Variants in KIAA0825 observed in about 807,000 individuals in gnomAD.
KIAA0825 encodes KIAA0825, also known as uncharacterized protein KIAA0825.
In KIAA0825, 119 loss-of-function variants were observed where a neutral mutation model predicts 147.6. That is an observed-to-expected ratio of 0.81 (90% CI 0.69 to 0.94). KIAA0825 has a LOEUF of 0.94. KIAA0825 is among the 40% of genes least tolerant of loss of function. KIAA0825 has a pLI of 0.00. For missense variants in KIAA0825, 1,381 were observed against 1,472.7 expected (o/e 0.94, Z 1.02); for synonymous variants, 470 against 518.1 (o/e 0.91, Z 1.26).
chr5:94,194,534 A>G (rs1333387452), intron 20 of KIAA0825, among the ~76,000 whole-genome samples: 1 of 152,064 alleles, frequency 6.6e-6, no homozygotes, highest in Non-Finnish European at 1.5e-5. Context: ...TAGAAATCCA[A>G]AGTGGAGTGA....
At chr5:94,327,066 T>C (rs1395787304) in intron 20 of KIAA0825, among the ~76,000 whole-genome samples, 4 of 152,216 alleles carry the variant, frequency 2.6e-5, no homozygotes, top group Admixed American at 2.6e-4. Flanking sequence ...TGAACGCTGG[T>C]GTTTGAGGGT....
intron 5 of KIAA0825, among the ~76,000 whole-genome samples, chr5:94,512,859 G>A (rs1390644771): frequency 1.3e-5 from 2 of 152,074 alleles, no homozygotes; most frequent in Admixed American, 1.3e-4. Flanking sequence ...TCGCATCACT[G>A]CACTCCAGCC....
intron 20 of KIAA0825, among the ~76,000 whole-genome samples, chr5:94,247,512 T>C (rs1775691326): frequency 6.6e-6 from 1 of 151,452 alleles, no homozygotes; most frequent in East Asian, 1.9e-4. Flanking sequence ...TCAGCTTAGA[T>C]GTCAGGAAGA....
intron 5 of KIAA0825, among the ~76,000 whole-genome samples, chr5:94,510,873 T>C (rs1023893861): frequency 6.6e-6 from 1 of 152,196 alleles, no homozygotes; most frequent in African/African-American, 2.4e-5. Context: ...ATTCAGAAAA[T>C]GTAATTTCAG....
chr5:94,553,469 A>T (rs1775933300), intron 2 of KIAA0825, among the ~76,000 whole-genome samples: 1 of 151,566 alleles, frequency 6.6e-6, no homozygotes, highest in South Asian at 2.1e-4. Flanking sequence ...AAAAGTAAAA[A>T]AAAAATATTT....
intron 20 of KIAA0825, among the ~76,000 whole-genome samples, chr5:94,228,304 C>A (rs547148699): frequency 2.8e-4 from 42 of 152,276 alleles, no homozygotes; most frequent in African/African-American, 9.6e-4. Flanking sequence ...TCAACGGCAA[C>A]AAGTATGCAG....
intron 20 of KIAA0825, among the ~76,000 whole-genome samples, chr5:94,243,150 C>T (rs1040231763): frequency 6.6e-6 from 1 of 152,164 alleles, no homozygotes; most frequent in East Asian, 1.9e-4. Flanking sequence ...TCAGCTAATG[C>T]ATGTAAAACA....
At chr5:94,525,067 C>A (rs904856050) in intron 3 of KIAA0825, among the ~76,000 whole-genome samples, 1 of 151,826 alleles carries the variant, frequency 6.6e-6, no homozygotes, top group African/African-American at 2.4e-5. Context: ...CATATCTAAA[C>A]TTCAAGAAAG....
intron 2 of KIAA0825, among the ~76,000 whole-genome samples, chr5:94,560,999 G>C (rs974111582): frequency 1.3e-5 from 2 of 152,106 alleles, no homozygotes; most frequent in African/African-American, 4.8e-5. Context: ...GGTTACTCTG[G>C]AGGGCCCCTA....
Position 94,453,037 on chromosome 5 carries a change from G to A in KIAA0825, c.2279C>T (p.Ser760Leu). The part of the protein sequence containing the change: ...TFQHGLDESA[S>L]DSLKSFFKQP... The stretch of plus-strand genomic sequence containing the variant: ...CTTAAAAAATGATTTTAAGGAATCT[G>A]AAGCAGACTCATCCAGGCCATGCTG... The change falls in exon 13 of 21, where the codon TCA (serine) becomes TTA (leucine). Residue 760 changes from serine (S) to leucine (L), a missense_variant. By Grantham distance (145) the Ser-to-Leu change is moderately radical. Transcript: ENST00000682413. 1 of 1,526,470 alleles carries A rather than the reference G, an allele frequency of 6.6e-7. No homozygotes were observed. Among genetic ancestry groups the A allele is most frequent in the Non-Finnish European group, 8.8e-7 (1 of 1,137,776 alleles). The allele number at this position is 1,526,470 out of a possible 1,614,324, so 94.6% of individuals were successfully genotyped here. A position where few individuals can be genotyped will look rare whatever the true frequency, so the allele number is the denominator to read the frequency against.
intron 20 of KIAA0825, among the ~76,000 whole-genome samples, chr5:94,218,447 C>G (rs1773391348): frequency 6.6e-6 from 1 of 152,160 alleles, no homozygotes; most frequent in East Asian, 1.9e-4. Context: ...TTTCCAATAA[C>G]CATGATAGTT....
chr5:94,615,504 T>A (rs1790204288), intron 1 of KIAA0825: 1 of 152,226 alleles, frequency 6.6e-6, no homozygotes, highest in African/African-American at 2.4e-5. Context: ...AAAGCTTATC[T>A]TTGCCTCAGT....
intron 20 of KIAA0825, among the ~76,000 whole-genome samples, chr5:94,175,590 T>C (rs1769017785): frequency 1.3e-5 from 2 of 152,132 alleles, no homozygotes; most frequent in African/African-American, 4.8e-5. Context: ...CTTACAGCAT[T>C]CCCCTGTATT....
chr5:94,324,540 T>C (rs751833617), intron 20 of KIAA0825, among the ~76,000 whole-genome samples: 28 of 152,168 alleles, frequency 1.8e-4, no homozygotes, highest in Admixed American at 4.6e-4. Flanking sequence ...TTTAAAGATA[T>C]GATCAAGCTG....
chr5:94,471,866 C>G lies in KIAA0825; in HGVS notation c.1456-135G>C, dbSNP rs572744915. On this transcript the variant is annotated intron_variant, in intron 8 of 20. Coordinates refer to ENST00000682413, the MANE Select transcript of KIAA0825 (RefSeq NM_001145678.3). ...TATAATGACGCAGCTTTGTAATAAT[C>G]GATTTCTCAGTTGTAGAAAGTTAAA... 2.1e-4 allele frequency: 168 copies of G among 782,970 alleles called. 1 individual carries two copies. In the South Asian group the frequency reaches 3.0e-3, roughly 14 times the overall value. The allele number at this position is 782,970 out of a possible 1,614,324, so 48.5% of individuals were successfully genotyped here.
At chr5:94,331,421 T>C (rs1331276545) in intron 20 of KIAA0825, among the ~76,000 whole-genome samples, 1 of 152,202 alleles carries the variant, frequency 6.6e-6, no homozygotes, top group East Asian at 1.9e-4. Context: ...GAAAATTAAT[T>C]CATAGTTTAA....
At chr5:94,331,208 G>GAAAGAAAGA (rs900771074) in intron 20 of KIAA0825, among the ~76,000 whole-genome samples, 1 of 150,704 alleles carries the variant, frequency 6.6e-6, no homozygotes, top group Non-Finnish European at 1.5e-5. Context: ...GAAGGAAAGA[G>GAAAGAAAGA]AAAGAAAGAA....
At chr5:94,470,215 T>G (rs1022457399) in intron 9 of KIAA0825, 104 bp from the exon 10 acceptor site, 1 of 711,812 alleles carries the variant, frequency 1.4e-6, no homozygotes, top group African/African-American at 1.8e-5. Context: ...ATATCAATCA[T>G]TCATTTCCTC....
At chr5:94,179,266 T>C (rs567099979) in intron 20 of KIAA0825, among the ~76,000 whole-genome samples, 2 of 152,216 alleles carry the variant, frequency 1.3e-5, no homozygotes, top group South Asian at 4.1e-4. Flanking sequence ...GAGTGAACTT[T>C]TTTGTAGGAA....
Sources: allele counts gnomAD v4.1 joint callset (sites outside exome capture counted in the v4.1 genomes callset), GRCh38; gene constraint gnomAD v4.1.1; transcripts MANE v1.5; gene names NCBI Gene and HGNC (gene_info 2026-07-23, HGNC 2026-07-21).